The following CLSTN2 variants were observed in gnomAD, a reference collection of about 807,000 sequenced individuals.
CLSTN2 encodes calsyntenin 2.
A neutral mutation model predicts 101.2 loss-of-function variants in CLSTN2; 48 were observed. That is an observed-to-expected ratio of 0.47 (90% CI 0.38 to 0.60). The LOEUF is 0.60. Ranked by LOEUF, CLSTN2 falls within the 20% of genes least tolerant of loss-of-function variation. The probability of loss-of-function intolerance (pLI) is 0.00; values close to 1 mark genes in which losing one functional copy is unlikely to be tolerated. For synonymous variants in CLSTN2, 481 were observed against 463.6 expected (o/e 1.04, Z -0.48); for missense variants, 1,160 against 1,238.2 (o/e 0.94, Z 0.95).
chr3:140,395,075 A>C (rs1240803415), intron 2 of CLSTN2, among the ~76,000 whole-genome samples: 1 of 152,234 alleles, frequency 6.6e-6, no homozygotes, highest in Admixed American at 6.5e-5. Context: ...ATAAAAAAAG[A>C]ATCACCTTTA....
intron 2 of CLSTN2, among the ~76,000 whole-genome samples, chr3:140,393,114 A>G (rs2088137263): frequency 6.6e-6 from 1 of 152,184 alleles, no homozygotes; most frequent in Admixed American, 6.5e-5. Context: ...TCACCTCTCA[A>G]CACTGCCACA....
At chr3:140,150,282 G>A (rs891753566) in intron 1 of CLSTN2, among the ~76,000 whole-genome samples, 2 of 152,130 alleles carry the variant, frequency 1.3e-5, no homozygotes, top group East Asian at 3.9e-4. Context: ...CATATGCTGT[G>A]GAATCAGAAA....
At chr3:140,330,804 T>G (rs1423602097) in intron 2 of CLSTN2, among the ~76,000 whole-genome samples, 1 of 152,208 alleles carries the variant, frequency 6.6e-6, no homozygotes. Flanking sequence ...AACCTGGACT[T>G]GCAAGGTGAG....
At chr3:140,145,062 T>G (rs768758505) in intron 1 of CLSTN2, among the ~76,000 whole-genome samples, 2 of 152,266 alleles carry the variant, frequency 1.3e-5, no homozygotes, top group Non-Finnish European at 2.9e-5. Flanking sequence ...TAACGGATTA[T>G]TCCCCATACT....
At chr3:140,087,684 G>A (rs2008702912) in intron 1 of CLSTN2, among the ~76,000 whole-genome samples, 1 of 152,216 alleles carries the variant, frequency 6.6e-6, no homozygotes, top group Non-Finnish European at 1.5e-5. Flanking sequence ...CAGTAAGATT[G>A]TGGCTGATAT....
chr3:140,328,448 G>A (rs1184583326), intron 2 of CLSTN2, among the ~76,000 whole-genome samples: 5 of 152,158 alleles, frequency 3.3e-5, no homozygotes, highest in African/African-American at 4.8e-5. Context: ...TTTAGGGATC[G>A]TATGTGTTAG....
At chr3:140,297,873 G>C (rs977667163) in intron 2 of CLSTN2, among the ~76,000 whole-genome samples, 4 of 152,128 alleles carry the variant, frequency 2.6e-5, no homozygotes, top group African/African-American at 9.7e-5. Context: ...TTACCATGGG[G>C]TTTCATCCTG....
intron 1 of CLSTN2, among the ~76,000 whole-genome samples, chr3:139,947,267 C>T (rs898787233): frequency 6.6e-6 from 1 of 152,232 alleles, no homozygotes; most frequent in Admixed American, 6.5e-5. Flanking sequence ...AAATAACCTA[C>T]TCTTGTCCTC....
At chr3:140,508,208 C>A (rs757816946) in intron 8 of CLSTN2, 1 of 152,020 alleles carries the variant, frequency 6.6e-6, no homozygotes, top group Non-Finnish European at 1.5e-5. Flanking sequence ...CTGTGTCTGC[C>A]AGGGACTTCT....
At chr3:140,539,259 G>T (rs1935420956) in intron 9 of CLSTN2, among the ~76,000 whole-genome samples, 1 of 152,020 alleles carries the variant, frequency 6.6e-6, no homozygotes, top group Non-Finnish European at 1.5e-5. Context: ...TTTGACAAAG[G>T]TATGTGGCTC....
chr3:139,957,237 C>G (rs147655056), intron 1 of CLSTN2, among the ~76,000 whole-genome samples: 1 of 152,006 alleles, frequency 6.6e-6, no homozygotes, highest in Non-Finnish European at 1.5e-5. Context: ...CCTGACACTT[C>G]GAGCTCAGGA....
intron 1 of CLSTN2, among the ~76,000 whole-genome samples, chr3:140,155,857 T>C (rs1297785680): frequency 6.6e-6 from 1 of 152,204 alleles, no homozygotes; most frequent in Non-Finnish European, 1.5e-5. Flanking sequence ...TTCAGTGCAT[T>C]GAGATTGCCA....
At chr3:140,262,662 G>T (rs1032145544) in intron 2 of CLSTN2, among the ~76,000 whole-genome samples, 5 of 152,124 alleles carry the variant, frequency 3.3e-5, no homozygotes, top group African/African-American at 1.2e-4. Context: ...AGACTGACTG[G>T]TATCTACATT....
intron 1 of CLSTN2, among the ~76,000 whole-genome samples, chr3:140,175,180 G>A (rs1337197651): frequency 6.6e-6 from 1 of 152,038 alleles, no homozygotes; most frequent in Non-Finnish European, 1.5e-5. Context: ...CACATACTGA[G>A]ATTCTAAGTG....
At chr3:140,108,649 A>G (rs1375818038) in intron 1 of CLSTN2, among the ~76,000 whole-genome samples, 2 of 152,228 alleles carry the variant, frequency 1.3e-5, no homozygotes, top group African/African-American at 2.4e-5. Flanking sequence ...TAAGGGCAAG[A>G]TAAGACAGGG....
At chr3:140,294,929 A>G (rs1486986283) in intron 2 of CLSTN2, among the ~76,000 whole-genome samples, 1 of 152,138 alleles carries the variant, frequency 6.6e-6, no homozygotes, top group African/African-American at 2.4e-5. Context: ...TTCTCCTAAA[A>G]GGGCACAAAT....
At chr3:140,439,634 C>T (rs1026561899) in intron 5 of CLSTN2, among the ~76,000 whole-genome samples, 5 of 152,182 alleles carry the variant, frequency 3.3e-5, no homozygotes, top group Admixed American at 1.3e-4. Context: ...GTTTTAAGTG[C>T]AGTTTCAGGA....
At chr3:140,458,805 C>A (rs1029149678) in intron 6 of CLSTN2, among the ~76,000 whole-genome samples, 3 of 152,202 alleles carry the variant, frequency 2.0e-5, no homozygotes, top group Non-Finnish European at 2.9e-5. Flanking sequence ...CCTCACAACT[C>A]GCTGGAAAGA....
chr3:140,575,835 C>G lies in CLSTN2; in HGVS notation c.*9582C>G, dbSNP rs1985715601. 6.6e-6 allele frequency: 1 copy of G among 151,842 alleles called. No homozygotes were observed. Among genetic ancestry groups the G allele is most frequent in the Non-Finnish European group, 1.5e-5 (1 of 67,982 alleles). The allele number at this position is 151,842 out of a possible 1,614,324, so 9.4% of individuals were successfully genotyped here. ...GTGTATATGTGTGCATATATGTGTA[C>G]ATATACACATACCCCAAAGCCATAT... On this transcript the variant is annotated 3_prime_UTR_variant, in exon 17 of 17. Transcript: ENST00000458420.
Sources: allele counts gnomAD v4.1 joint callset (sites outside exome capture counted in the v4.1 genomes callset), GRCh38; gene constraint gnomAD v4.1.1; transcripts MANE v1.5; gene names NCBI Gene and HGNC (gene_info 2026-07-23, HGNC 2026-07-21).